Variants in CACNA1I observed in about 807,000 individuals in gnomAD.
The protein encoded by CACNA1I is calcium voltage-gated channel subunit alpha1 I, also known as voltage-dependent T-type calcium channel subunit alpha-1I.
Under a neutral mutation model 201.6 loss-of-function variants are expected in CACNA1I, and 74 were observed. The ratio of observed to expected loss-of-function variants is 0.37; its 90% confidence interval spans 0.30 to 0.45. The LOEUF (loss-of-function observed/expected upper bound fraction) is 0.45. Ranked by LOEUF, CACNA1I falls within the 20% of genes least tolerant of loss-of-function variation. CACNA1I has a pLI of 1.00. For missense variants in CACNA1I, 2,346 were observed against 3,138.1 expected (o/e 0.75, Z 6.03); for synonymous variants, 1,431 against 1,345.2 (o/e 1.06, Z -1.40).
rs1935167937 is a variant in CACNA1I at position 39,665,714 on chromosome 22, A to G, written c.3978+90A>G. The G allele has an allele frequency of 3.8e-6, 6 of 1,561,078 alleles. No homozygotes were observed. Among genetic ancestry groups the G allele is most frequent in the Non-Finnish European group, 4.4e-6 (5 of 1,143,954 alleles). ...GCCAGGGGAGAGACTCCACATTCCA[A>G]CCTCATGCGCCTTGCCAGCTGTGGG... is the stretch of plus-strand genomic sequence containing the variant. On this transcript the variant is annotated intron_variant, in intron 22 of 36. Transcript: ENST00000402142. This position sits in a 1 kb window ranked among gnomAD's most constrained non-coding sequence, Gnocchi z 5.5.
At position 39,628,056 on chromosome 22, in the gene CACNA1I, A is replaced by C. The variant is rs182962185; in HGVS notation, c.581-6509A>C. ...GAAGTGCTTGGGGGTGGGGCAGGGC[A>C]AAGGCAGTGCCTCCCTCTCCCCCTC... On this transcript the variant is annotated intron_variant, in intron 4 of 36. Coordinates refer to ENST00000402142, the MANE Select transcript of CACNA1I (RefSeq NM_021096.4). Among the ~76,000 whole-genome samples, 252 of 152,248 alleles carry C rather than the reference A, an allele frequency of 1.7e-3. 2 individuals carry two copies. Among genetic ancestry groups the C allele is most frequent in the African/African-American group, 5.8e-3 (242 of 41,548 alleles).
intron 1 of CACNA1I, 179 bp downstream of exon 1, chr22:39,571,167 A>T (rs1306384518): frequency 6.5e-6 from 4 of 619,548 alleles, no homozygotes; most frequent in Non-Finnish European, 1.2e-5. Flanking sequence ...CCTCAAATGG[A>T]TGAGGACCTG....
chr22:39,658,189 T>G lies in CACNA1I; in HGVS notation c.2030T>G (p.Val677Gly), dbSNP rs1475436238. 6.2e-7 allele frequency: 1 copy of G among 1,613,874 alleles called. No individual in the cohort carries two copies. Among genetic ancestry groups the G allele is most frequent in the Non-Finnish European group, 8.5e-7 (1 of 1,179,870 alleles). Reference protein sequence around the residue: ...ELTNILEICNVVFTSMFALEM... With the variant: ...ELTNILEICNGVFTSMFALEM... The stretch of plus-strand genomic sequence containing the variant: ...ACCAACATCCTGGAGATCTGCAATG[T>G]GGTCTTCACCAGCATGTTTGCCCTG... Residue 677 changes from valine to glycine, a missense_variant, in exon 11 of 37, where the codon GTG (valine) becomes GGG (glycine). Val to Gly is a moderately radical substitution (Grantham distance 109). Around this residue, in one of 13 missense-constraint regions of CACNA1I, gnomAD observed 155 missense variants for 300.8 expected, o/e 0.52. Coordinates refer to ENST00000402142, the MANE Select transcript of CACNA1I (RefSeq NM_021096.4).
At chr22:39,604,160 G>A (rs897625820) in intron 3 of CACNA1I, among the ~76,000 whole-genome samples, 6 of 152,156 alleles carry the variant, frequency 3.9e-5, no homozygotes, top group Non-Finnish European at 7.3e-5. Context: ...TGGCTCCACA[G>A]ACTGACTCCC....
chr22:39,598,343 G>T, intron 2 of CACNA1I, 81 bp downstream of exon 2: 1 of 426,242 alleles, frequency 2.3e-6, no homozygotes, highest in Non-Finnish European at 4.0e-6. Flanking sequence ...CCACACCCCC[G>T]CCCCATGTCC....
rs974615370 is a variant in CACNA1I at position 39,676,260 on chromosome 22, C to T, written c.4855-1081C>T. On this transcript the variant is annotated intron_variant, in intron 29 of 36. Transcript: ENST00000402142. The surrounding 1 kb of genome is among the most constrained non-coding windows in gnomAD (Gnocchi z 4.8). Reference sequence around the variant, plus strand: ...ATCCTTCTCAGCGGTCAGGGCCTTACAGTTGGCCTCACGGGTGCTCAGTAA... The same window carrying T: ...ATCCTTCTCAGCGGTCAGGGCCTTATAGTTGGCCTCACGGGTGCTCAGTAA... 1.3e-5 allele frequency among the ~76,000 whole-genome samples: 2 copies of T among 152,220 alleles called. No individual in the cohort carries two copies. The highest frequency in any genetic ancestry group is 4.8e-5 in the African/African-American group (2 of 41,446).
chr22:39,601,986 T>TTCCTTCCTTCCC (rs1933067211), intron 3 of CACNA1I, among the ~76,000 whole-genome samples: 1 of 16,438 alleles, frequency 6.1e-5, no homozygotes, highest in African/African-American at 3.2e-4. Context: ...CCTCCCTTCC[T>TTCCTTCCTTCCC]TCCTTCCTTC....
At chr22:39,578,516 C>T (rs759492340) in intron 1 of CACNA1I, among the ~76,000 whole-genome samples, 11 of 152,130 alleles carry the variant, frequency 7.2e-5, no homozygotes, top group Non-Finnish European at 1.6e-4. Flanking sequence ...TCCTCCCCTG[C>T]TCTGCAGAGA....
intron 4 of CACNA1I, among the ~76,000 whole-genome samples, chr22:39,621,777 G>C (rs535918510): frequency 6.6e-6 from 1 of 152,058 alleles, no homozygotes; most frequent in Non-Finnish European, 1.5e-5. Flanking sequence ...TGCGGGAGGG[G>C]GAGGGGGAGT....
chr22:39,645,010 G>C (rs113087791), intron 7 of CACNA1I, among the ~76,000 whole-genome samples: 4,151 of 149,904 alleles, frequency 0.028, 183 homozygotes, highest in African/African-American at 0.095. Flanking sequence ...TTTTAAGACG[G>C]AGTCTTGCTC....
Position 39,570,806 on chromosome 22 carries a change from G to A in CACNA1I, c.54G>A (p.Glu18=). The stretch of plus-strand genomic sequence containing the variant: ...CATCTGCAGCAGCCCCAGCCGCTGA[G>A]CCAGGAGTCACCACGGAGCAGCCCG... The part of the protein sequence containing the change: ...PSSSAAAPAA[E]PGVTTEQPGP... Residue 18 remains glutamate (E), a synonymous_variant, in exon 1 of 37, where the codon GAG becomes GAA. Coordinates refer to ENST00000402142, the MANE Select transcript of CACNA1I (RefSeq NM_021096.4). 1 of 1,613,308 alleles carries A rather than the reference G, an allele frequency of 6.2e-7. No homozygotes were observed. Among genetic ancestry groups the A allele is most frequent in the Non-Finnish European group, 8.5e-7 (1 of 1,179,808 alleles).
intron 4 of CACNA1I, among the ~76,000 whole-genome samples, 174 bp from the exon 5 acceptor site, chr22:39,634,391 G>T (rs1240595628): frequency 2.6e-5 from 4 of 152,252 alleles, no homozygotes; most frequent in Admixed American, 2.6e-4. Context: ...CGGTGGAGGG[G>T]CAGATAAAAA....
At chr22:39,655,273 G>A (rs1216861832) in intron 10 of CACNA1I, among the ~76,000 whole-genome samples, 2 of 148,640 alleles carry the variant, frequency 1.3e-5, no homozygotes, top group South Asian at 4.3e-4. Flanking sequence ...CCGGGGGGCA[G>A]CTGACCTCTG....
chr22:39,578,426 G>A (rs1026471184), intron 1 of CACNA1I, among the ~76,000 whole-genome samples: 13 of 152,122 alleles, frequency 8.5e-5, no homozygotes, highest in Admixed American at 3.3e-4. Context: ...GTCTGGGGTT[G>A]GGTTCTTCCA....
rs142922417 is a variant in CACNA1I, at chr22:39,635,288, G to A, written c.740+564G>A. ...GAAATAGGAGAGCATCTTCATCCAT[G>A]TTCTCACTTCCCTTTGTTGAGCCTG... On this transcript the variant is annotated intron_variant, in intron 5 of 36. Transcript: ENST00000402142. Among the ~76,000 whole-genome samples the A allele has an allele frequency of 1.4e-3, 206 of 152,308 alleles. 1 individual carries two copies. The highest frequency in any genetic ancestry group is 3.4e-3 in the Admixed American group (52 of 15,302).
rs1282816632 is a variant in CACNA1I at position 39,662,396 on chromosome 22, C to CCGCGGGGAT, written c.3342_3350dup (p.Asp1114_Gly1116dup). On this transcript the variant is annotated inframe_insertion, in exon 17 of 37. Transcript: ENST00000402142. The stretch of plus-strand genomic sequence containing the variant: ...AAGACGTCTTCACCAAGATGGGCGA[C>CCGCGGGGAT]CGCGGGGATCGCGGGGAGGATGAGG... 6.8e-7 allele frequency: 1 copy of CCGCGGGGAT among 1,469,108 alleles called. No homozygotes were observed. Among genetic ancestry groups the CCGCGGGGAT allele is most frequent in the East Asian group, 2.8e-5 (1 of 36,100 alleles). The allele number at this position is 1,469,108 out of a possible 1,614,324, so 91.0% of individuals were successfully genotyped here.
chr22:39,640,793 G>A (rs1016210202), intron 5 of CACNA1I, 74 bp from the exon 6 acceptor site: 1 of 1,260,428 alleles, frequency 7.9e-7, no homozygotes, highest in Non-Finnish European at 1.1e-6. Context: ...ATGCTGCATG[G>A]CCTCTCCCTT....
intron 3 of CACNA1I, among the ~76,000 whole-genome samples, chr22:39,611,128 G>A (rs991778387): frequency 4.6e-5 from 7 of 152,256 alleles, no homozygotes; most frequent in African/African-American, 1.7e-4. Flanking sequence ...AGTTCACAAG[G>A]GCGCCCTGGC....
Position 39,684,245 on chromosome 22 carries a change from G to A in CACNA1I, c.5831-57G>A. The A allele has an allele frequency of 6.6e-7, 1 of 1,519,048 alleles. No homozygotes were observed. The highest frequency in any genetic ancestry group is 9.0e-7 in the Non-Finnish European group (1 of 1,105,076). 94.1% of individuals were successfully genotyped at this position (1,519,048 alleles called of 1,614,324 possible). A position where few individuals can be genotyped will look rare whatever the true frequency, so the allele number is the denominator to read the frequency against. ...ATTGGTGCTCAATGCCACCTTCCAG[G>A]GGCTGCCCCCTGGCCTGAGCGTGCT... On this transcript the variant is annotated intron_variant, in intron 35 of 36. Transcript: ENST00000402142. This position sits in a 1 kb window ranked among gnomAD's most constrained non-coding sequence, Gnocchi z 4.6.
Sources: gnomAD v4.1 joint callset for allele counts (sites outside exome capture counted in the v4.1 genomes callset) on GRCh38, gnomAD v4.1.1 for gene constraint, gnomAD v4.1.1 regional missense constraint, Gnocchi (gnomAD v3.1) non-coding constraint, MANE v1.5 for transcripts, NCBI Gene and HGNC (gene_info 2026-07-23, HGNC 2026-07-21) for gene names.